The following FBXL7 variants were observed in gnomAD, a reference collection of about 807,000 sequenced individuals.
FBXL7 encodes F-box and leucine rich repeat protein 7.
In FBXL7, 12 loss-of-function variants were observed where a neutral mutation model predicts 38.3. The ratio of observed to expected loss-of-function variants is 0.31; its 90% CI spans 0.20 to 0.51. FBXL7 has a LOEUF of 0.51. FBXL7 is among the 20% of genes least tolerant of loss of function. The pLI, the probability that FBXL7 is intolerant of heterozygous loss-of-function variation, is 0.98. For missense variants in FBXL7, 567 were observed against 676.4 expected, an observed-to-expected ratio of 0.84 and a Z score of 1.79; for synonymous variants, 297 against 300.9, an observed-to-expected ratio of 0.99 and a Z score of 0.13.
intron 2 of FBXL7, among the ~76,000 whole-genome samples, chr5:15,927,186 A>G (rs987716891): frequency 6.6e-6 from 1 of 152,142 alleles, no homozygotes. Context: ...TTATTAAAAC[A>G]GCCACGCTCC....
chr5:15,556,573 A>G (rs1738245130), intron 1 of FBXL7, among the ~76,000 whole-genome samples: 1 of 152,192 alleles, frequency 6.6e-6, no homozygotes, highest in African/African-American at 2.4e-5. Context: ...TTTGGGATGA[A>G]TCCCAAATAG....
At chr5:15,926,981 A>T (rs147880804) in intron 2 of FBXL7, among the ~76,000 whole-genome samples, 16 of 151,536 alleles carry the variant, frequency 1.1e-4, no homozygotes, top group African/African-American at 3.9e-4. Flanking sequence ...ACCAAAATAT[A>T]ATTAGGGAGG....
chr5:15,528,681 A>G (rs995306527), intron 1 of FBXL7, among the ~76,000 whole-genome samples: 1 of 152,216 alleles, frequency 6.6e-6, no homozygotes, highest in Non-Finnish European at 1.5e-5. Flanking sequence ...TCCCTCCCAC[A>G]TCACACGGTA....
intron 1 of FBXL7, among the ~76,000 whole-genome samples, chr5:15,512,245 G>A (rs1736818472): frequency 6.6e-6 from 1 of 152,150 alleles, no homozygotes; most frequent in South Asian, 2.1e-4. Context: ...TTCTATCATT[G>A]TTGAATAGAA....
Position 15,627,710 on chromosome 5 carries a change from A to G in FBXL7, c.127+11638A>G, listed in dbSNP as rs574594037. 2.0e-5 allele frequency among the ~76,000 whole-genome samples: 3 copies of G among 152,318 alleles called. No homozygotes were observed. The East Asian group carries it at 5.8e-4, about 29-fold the overall frequency. On this transcript the variant is annotated intron_variant, in intron 2 of 3. Transcript: ENST00000504595. Reference sequence around the variant, plus strand: ...CATCTTCTCAACTCTTCTATAGTGAAGAGAGACTATAGAGGAACTTGGGGA... The same window carrying G: ...CATCTTCTCAACTCTTCTATAGTGAGGAGAGACTATAGAGGAACTTGGGGA...
At chr5:15,814,307 C>T (rs780033499) in intron 2 of FBXL7, among the ~76,000 whole-genome samples, 4 of 152,074 alleles carry the variant, frequency 2.6e-5, no homozygotes, top group Non-Finnish European at 5.9e-5. Context: ...AACCATCATT[C>T]TCGGCAAACT....
intron 2 of FBXL7, among the ~76,000 whole-genome samples, chr5:15,729,672 T>C (rs936220963): frequency 4.6e-5 from 7 of 152,144 alleles, no homozygotes; most frequent in Non-Finnish European, 1.0e-4. Context: ...TAGACAAAAA[T>C]TTTTAATTAA....
intron 1 of FBXL7, among the ~76,000 whole-genome samples, chr5:15,577,612 G>A (rs1297451713): frequency 1.7e-5 from 1 of 59,652 alleles, no homozygotes; most frequent in Non-Finnish European, 3.9e-5. Flanking sequence ...GTGTGTGTGT[G>A]TGTGTGTGTG....
intron 2 of FBXL7, among the ~76,000 whole-genome samples, chr5:15,631,035 A>G (rs1022222682): frequency 9.2e-5 from 14 of 152,206 alleles, no homozygotes; most frequent in Admixed American, 7.9e-4. Flanking sequence ...CACTTCATGT[A>G]AATAGTATAT....
chr5:15,532,907 G>A (rs1737470122), intron 1 of FBXL7, among the ~76,000 whole-genome samples: 1 of 152,256 alleles, frequency 6.6e-6, no homozygotes, highest in African/African-American at 2.4e-5. Flanking sequence ...GGATGATAAG[G>A]ATGAAGATGT....
chr5:15,777,133 A>G (rs754300452), intron 2 of FBXL7, among the ~76,000 whole-genome samples: 1 of 152,068 alleles, frequency 6.6e-6, no homozygotes, highest in Non-Finnish European at 1.5e-5. Flanking sequence ...GGATGTTTTC[A>G]TTTCCATTTT....
intron 1 of FBXL7, among the ~76,000 whole-genome samples, chr5:15,555,298 G>T (rs1028378482): frequency 6.6e-6 from 1 of 152,130 alleles, no homozygotes; most frequent in Non-Finnish European, 1.5e-5. Flanking sequence ...ATGTTTCTTA[G>T]AAATCAAAGG....
chr5:15,930,973 C>CTTT (rs1742023763), intron 3 of FBXL7, among the ~76,000 whole-genome samples: 1 of 152,174 alleles, frequency 6.6e-6, no homozygotes, highest in Non-Finnish European at 1.5e-5. Flanking sequence ...CGATAGTGGC[C>CTTT]ACATTCTCAG....
rs567780192 is a variant in FBXL7 at position 15,500,683 on chromosome 5, G to A, written c.7G>A (p.Ala3Thr). Reference sequence around the variant, plus strand: ...CGGGCATGACGGCTACAGGATGGGCGCGAACAATGGCAAACAGTACGGCAG... The same window carrying A: ...CGGGCATGACGGCTACAGGATGGGCACGAACAATGGCAAACAGTACGGCAG... The part of the protein sequence containing the change: MG[A>T]NNGKQYGSEG... Residue 3 changes from alanine to threonine, a missense_variant, in exon 1 of 4, where the codon GCG becomes ACG. Physicochemically the swap from Ala to Thr is moderately conservative, Grantham distance 58. Transcript: ENST00000504595. 1.2e-6 allele frequency: 2 copies of A among 1,612,022 alleles called. No individual in the cohort carries two copies. The highest frequency in any genetic ancestry group is 1.3e-5 in the African/African-American group (1 of 74,840).
chr5:15,567,847 T>C (rs1202740097), intron 1 of FBXL7, among the ~76,000 whole-genome samples: 1 of 151,976 alleles, frequency 6.6e-6, no homozygotes, highest in Non-Finnish European at 1.5e-5. Context: ...ACATACAGTG[T>C]TTGGTTTTTT....
chr5:15,692,616 T>C (rs908497512), intron 2 of FBXL7, among the ~76,000 whole-genome samples: 2 of 152,148 alleles, frequency 1.3e-5, no homozygotes, highest in Non-Finnish European at 2.9e-5. Flanking sequence ...GCCATAGAAG[T>C]GGGGACTTCA....
intron 2 of FBXL7, among the ~76,000 whole-genome samples, chr5:15,849,220 GA>G (rs1739019462): frequency 6.7e-6 from 1 of 148,514 alleles, no homozygotes; most frequent in Non-Finnish European, 1.5e-5. Flanking sequence ...TGCAGTGTGT[GA>G]CTCCTCTCTT....
intron 1 of FBXL7, among the ~76,000 whole-genome samples, chr5:15,555,111 CA>C (rs1738191836): frequency 6.6e-6 from 1 of 152,156 alleles, no homozygotes; most frequent in Admixed American, 6.5e-5. Context: ...TCCATTCATC[CA>C]AATTTAACTT....
chr5:15,825,040 A>T (rs1401546435), intron 2 of FBXL7, among the ~76,000 whole-genome samples: 1 of 152,196 alleles, frequency 6.6e-6, no homozygotes, highest in African/African-American at 2.4e-5. Flanking sequence ...GGAACATGAG[A>T]TATTATAAAC....
Sources: gnomAD v4.1 joint callset for allele counts (sites outside exome capture counted in the v4.1 genomes callset) on GRCh38, gnomAD v4.1.1 for gene constraint, MANE v1.5 for transcripts, NCBI Gene and HGNC (gene_info 2026-07-23, HGNC 2026-07-21) for gene names.